The following GPC5 variants were observed in gnomAD, a reference collection of about 807,000 sequenced individuals.
GPC5 encodes the protein glypican 5.
In GPC5, 47 loss-of-function variants were observed where a neutral mutation model predicts 53.9. The observed-to-expected ratio is 0.87, with a 90% CI of 0.69 to 1.11. The LOEUF is 1.11. GPC5 is among the 50% of genes most tolerant of loss of function. The pLI is 0.00. For missense variants in GPC5, 748 were observed against 713.1 expected, an observed-to-expected ratio of 1.05 and a Z score of -0.56; for synonymous variants, 286 against 263.3, an observed-to-expected ratio of 1.09 and a Z score of -0.84.
intron 5 of GPC5, among the ~76,000 whole-genome samples, chr13:91,795,277 T>C (rs546959337): frequency 6.6e-6 from 1 of 152,300 alleles, no homozygotes; most frequent in South Asian, 2.1e-4. Flanking sequence ...GGTTCATAGT[T>C]TTTATTTTTA....
intron 4 of GPC5, among the ~76,000 whole-genome samples, chr13:91,738,694 A>G: frequency 6.6e-6 from 1 of 151,276 alleles, no homozygotes; most frequent in Non-Finnish European, 1.5e-5. Flanking sequence ...AATGGTTATT[A>G]TAGAGATCAC....
At chr13:91,899,913 C>G (rs1165294623) in intron 5 of GPC5, among the ~76,000 whole-genome samples, 1 of 152,094 alleles carries the variant, frequency 6.6e-6, no homozygotes, top group Non-Finnish European at 1.5e-5. Context: ...GTCCTCTTAA[C>G]CCACCAAGTT....
chr13:91,478,865 C>T (rs1425255931), intron 2 of GPC5, among the ~76,000 whole-genome samples: 1 of 90,394 alleles, frequency 1.1e-5, no homozygotes, highest in Non-Finnish European at 2.3e-5. Context: ...TATATACACA[C>T]ACATATATAT....
In GPC5 at chr13:92,348,429, A is replaced by G. The variant is rs184667388; in HGVS notation, c.1561+203440A>G. On this transcript the variant is annotated intron_variant, in intron 7 of 7. Coordinates refer to ENST00000377067, the MANE Select transcript of GPC5 (RefSeq NM_004466.6). ...TCAACATTGGAGCACCTAAAAATATAAAACAAATATGAAATGATTTTGAGA... is the reference window on the plus strand; with the variant it reads ...TCAACATTGGAGCACCTAAAAATATGAAACAAATATGAAATGATTTTGAGA... Among the ~76,000 whole-genome samples the G allele has an allele frequency of 1.9e-4, 29 of 152,270 alleles. 1 individual carries two copies. The East Asian group carries it at 5.6e-3, about 29-fold the overall frequency.
intron 5 of GPC5, among the ~76,000 whole-genome samples, chr13:91,906,004 T>C (rs1238659367): frequency 3.9e-5 from 6 of 152,052 alleles, no homozygotes; most frequent in African/African-American, 1.4e-4. Context: ...GTGTACATTG[T>C]ACCAAACATG....
chr13:91,878,364 G>T (rs1426900679), intron 5 of GPC5, among the ~76,000 whole-genome samples: 1 of 152,044 alleles, frequency 6.6e-6, no homozygotes, highest in South Asian at 2.1e-4. Context: ...TCATTCTTTT[G>T]ATCAAAATAG....
chr13:92,080,217 C>T (rs1377483749), intron 6 of GPC5, among the ~76,000 whole-genome samples: 1 of 152,082 alleles, frequency 6.6e-6, no homozygotes, highest in Non-Finnish European at 1.5e-5. Context: ...CCTGCACCAT[C>T]GTTCTCCACA....
chr13:92,503,744 A>G (rs1319164797), intron 7 of GPC5, among the ~76,000 whole-genome samples: 3 of 151,932 alleles, frequency 2.0e-5, no homozygotes, highest in Non-Finnish European at 4.4e-5. Context: ...AAAAAATCCT[A>G]CACACCAAAG....
At chr13:92,231,769 C>T (rs2042531612) in intron 7 of GPC5, among the ~76,000 whole-genome samples, 1 of 152,132 alleles carries the variant, frequency 6.6e-6, no homozygotes, top group South Asian at 2.1e-4. Context: ...AGTTTGAGAC[C>T]AGCCGGGCCA....
intron 7 of GPC5, among the ~76,000 whole-genome samples, chr13:92,160,503 A>G (rs552040226): frequency 2.0e-5 from 3 of 152,308 alleles, no homozygotes; most frequent in African/African-American, 7.2e-5. Context: ...AATCACATAG[A>G]AAATTAGATA....
At chr13:92,340,801 A>G (rs1479111457) in intron 7 of GPC5, among the ~76,000 whole-genome samples, 1 of 152,176 alleles carries the variant, frequency 6.6e-6, no homozygotes, top group Non-Finnish European at 1.5e-5. Context: ...TAACAGGTAT[A>G]ACAACCCAAT....
intron 7 of GPC5, among the ~76,000 whole-genome samples, chr13:92,444,715 T>TAAAAAAAAAA (rs71910602): frequency 2.4e-5 from 2 of 84,224 alleles, no homozygotes; most frequent in African/African-American, 4.4e-5. Flanking sequence ...TCCTGAAATC[T>TAAAAAAAAAA]AAAAAAAAAA....
At chr13:92,001,057 C>T (rs1478976259) in intron 6 of GPC5, among the ~76,000 whole-genome samples, 1 of 152,176 alleles carries the variant, frequency 6.6e-6, no homozygotes, top group East Asian at 1.9e-4. Flanking sequence ...GTATGTCTTC[C>T]TTGGATACCA....
intron 7 of GPC5, among the ~76,000 whole-genome samples, chr13:92,743,269 GGTT>G (rs1300205415): frequency 6.6e-6 from 1 of 151,978 alleles, no homozygotes; most frequent in Non-Finnish European, 1.5e-5. Context: ...ATTGAGCAGT[GGTT>G]TGTAGTTCTC....
At chr13:92,093,343 TTCCAAGACAAATATACATTAAACAG>T (rs2041395863) in intron 6 of GPC5, among the ~76,000 whole-genome samples, 1 of 152,174 alleles carries the variant, frequency 6.6e-6, no homozygotes, top group African/African-American at 2.4e-5. Flanking sequence ...ATATTTTTCT[TTCCAAGACAAATATACATTAAACAG>T]TCCTAATGTT....
At chr13:92,268,605 T>TA (rs568062400) in intron 7 of GPC5, among the ~76,000 whole-genome samples, 36 of 152,092 alleles carry the variant, frequency 2.4e-4, no homozygotes, top group African/African-American at 7.5e-4. Context: ...TACACGCTCA[T>TA]AAAAAACTTT....
At chr13:92,647,570 T>G (rs971229110) in intron 7 of GPC5, among the ~76,000 whole-genome samples, 1 of 151,868 alleles carries the variant, frequency 6.6e-6, no homozygotes, top group Non-Finnish European at 1.5e-5. Context: ...ACCAAGAAAA[T>G]CTCATGAGAT....
chr13:91,913,336 T>C (rs2039628193), intron 6 of GPC5, among the ~76,000 whole-genome samples: 1 of 150,440 alleles, frequency 6.6e-6, no homozygotes, highest in Admixed American at 6.7e-5. Flanking sequence ...GAGATGGAGG[T>C]TGCAGTGAGC....
intron 6 of GPC5, among the ~76,000 whole-genome samples, chr13:92,003,325 C>CAAAAA (rs57075719): frequency 1.4e-3 from 144 of 99,932 alleles, no homozygotes; most frequent in African/African-American, 2.8e-3. Flanking sequence ...TGTCTTAACA[C>CAAAAA]AAAAAAAAAA....
Sources: allele counts gnomAD v4.1 joint callset (sites outside exome capture counted in the v4.1 genomes callset), GRCh38; gene constraint gnomAD v4.1.1; transcripts MANE v1.5; gene names NCBI Gene and HGNC (gene_info 2026-07-23, HGNC 2026-07-21).